The following AGBL4 variants were observed in gnomAD, a reference collection of about 807,000 sequenced individuals.
AGBL4 encodes the protein AGBL carboxypeptidase 4.
A neutral mutation model predicts 66.4 loss-of-function variants in AGBL4; 58 were observed. That is an observed-to-expected ratio of 0.87 (90% CI 0.71 to 1.09). The LOEUF (loss-of-function observed/expected upper bound fraction) is 1.09. Among genes scored for constraint, AGBL4 ranks in the 50% least tolerant of loss-of-function variants. The pLI is 0.00. For synonymous variants in AGBL4, 234 were observed against 222.9 expected, an observed-to-expected ratio of 1.05 and a Z score of -0.44; for missense variants, 579 against 631.0, an observed-to-expected ratio of 0.92 and a Z score of 0.88.
chr1:49,488,321 A>G (rs931997341), intron 3 of AGBL4, among the ~76,000 whole-genome samples: 1 of 151,390 alleles, frequency 6.6e-6, no homozygotes, highest in Admixed American at 6.6e-5. Context: ...TGACTTTTGT[A>G]TATTAATCTA....
chr1:49,815,499 G>T (rs1259563269), intron 2 of AGBL4, among the ~76,000 whole-genome samples: 4 of 152,090 alleles, frequency 2.6e-5, no homozygotes, highest in Non-Finnish European at 5.9e-5. Context: ...ATATATTTTT[G>T]ATATACTGAT....
intron 3 of AGBL4, among the ~76,000 whole-genome samples, chr1:49,668,950 G>C (rs1558148681): frequency 6.6e-6 from 1 of 152,090 alleles, no homozygotes; most frequent in African/African-American, 2.4e-5. Context: ...TTTTATCAGA[G>C]AGGGCCAGGC....
chr1:49,981,580 A>G (rs1487283615), intron 1 of AGBL4, among the ~76,000 whole-genome samples: 1 of 152,058 alleles, frequency 6.6e-6, no homozygotes, highest in Non-Finnish European at 1.5e-5. Context: ...ACACATCTAT[A>G]TATAAATATG....
chr1:48,897,720 A>G (rs998099720), intron 5 of AGBL4, among the ~76,000 whole-genome samples: 3 of 150,390 alleles, frequency 2.0e-5, no homozygotes, highest in African/African-American at 7.4e-5. Context: ...TTCTCTAATG[A>G]TTAGTAATGT....
chr1:49,812,025 G>T (rs556482085), intron 2 of AGBL4, among the ~76,000 whole-genome samples: 1 of 152,200 alleles, frequency 6.6e-6, no homozygotes, highest in South Asian at 2.1e-4. Flanking sequence ...TTTGTTTTCT[G>T]TTGTGGTTGT....
chr1:49,878,645 G>T (rs969596524), intron 1 of AGBL4, among the ~76,000 whole-genome samples: 3 of 151,880 alleles, frequency 2.0e-5, no homozygotes, highest in Admixed American at 6.6e-5. Context: ...TGTTGATTTG[G>T]GGTGGAGAGT....
At chr1:49,574,524 C>T (rs1644397131) in intron 3 of AGBL4, among the ~76,000 whole-genome samples, 1 of 152,086 alleles carries the variant, frequency 6.6e-6, no homozygotes, top group South Asian at 2.1e-4. Context: ...CTGAGAGGAT[C>T]CAGACAATAT....
intron 1 of AGBL4, among the ~76,000 whole-genome samples, chr1:49,930,076 CA>C (rs1653180600): frequency 6.6e-6 from 1 of 151,346 alleles, no homozygotes; most frequent in South Asian, 2.1e-4. Flanking sequence ...ACATGGTGAT[CA>C]ATAATAAAAA....
At chr1:48,558,149 G>A (rs1352884271) in intron 11 of AGBL4, among the ~76,000 whole-genome samples, 1 of 152,162 alleles carries the variant, frequency 6.6e-6, no homozygotes, top group Non-Finnish European at 1.5e-5. Context: ...GCACCCGTAT[G>A]GAGTTTAACA....
chr1:49,574,941 C>T (rs1303897633), intron 3 of AGBL4, among the ~76,000 whole-genome samples: 3 of 152,018 alleles, frequency 2.0e-5, no homozygotes, highest in African/African-American at 7.2e-5. Flanking sequence ...AGAATCATGG[C>T]CCCTCAATCA....
At chr1:49,631,525 C>T (rs1333592919) in intron 3 of AGBL4, among the ~76,000 whole-genome samples, 1 of 152,182 alleles carries the variant, frequency 6.6e-6, no homozygotes, top group Non-Finnish European at 1.5e-5. Flanking sequence ...TCCACTTGCA[C>T]ATTTTCTCAG....
chr1:49,006,383 C>G (rs1034671109), intron 5 of AGBL4, among the ~76,000 whole-genome samples: 3 of 152,118 alleles, frequency 2.0e-5, no homozygotes, highest in South Asian at 2.1e-4. Context: ...CCTACGCCCA[C>G]GGAGTCTTGC....
At chr1:49,937,246 C>T (rs1441144733) in intron 1 of AGBL4, among the ~76,000 whole-genome samples, 1 of 152,020 alleles carries the variant, frequency 6.6e-6, no homozygotes, top group Non-Finnish European at 1.5e-5. Flanking sequence ...ACAAAAAAGG[C>T]CATTACATAA....
intron 3 of AGBL4, among the ~76,000 whole-genome samples, chr1:49,461,805 T>A (rs1646518897): frequency 6.6e-6 from 1 of 151,766 alleles, no homozygotes. Context: ...AAACTCATCC[T>A]CTTTTATGGC....
chr1:49,582,228 G>A lies in AGBL4; in HGVS notation c.282+115085C>T, dbSNP rs537303104. ...CTGTGCTTGGGCCTCCTGATGGCAA[G>A]TGCATGCATCAGCCATGACAGTTAT... On this transcript the variant is annotated intron_variant, in intron 3 of 13. Coordinates refer to ENST00000371839, the MANE Select transcript of AGBL4 (RefSeq NM_032785.4). Among the ~76,000 whole-genome samples, 3 of 152,326 alleles carry A rather than the reference G, an allele frequency of 2.0e-5. No individual in the cohort carries two copies. In the South Asian group the frequency reaches 6.2e-4, roughly 32 times the overall value.
chr1:48,900,955 T>G (rs187032660), intron 5 of AGBL4, among the ~76,000 whole-genome samples: 2 of 152,264 alleles, frequency 1.3e-5, no homozygotes, highest in Non-Finnish European at 2.9e-5. Flanking sequence ...AGAAAATATT[T>G]GCAAATAATA....
At chr1:49,858,765 C>T (rs1646494179) in intron 1 of AGBL4, among the ~76,000 whole-genome samples, 1 of 152,242 alleles carries the variant, frequency 6.6e-6, no homozygotes, top group Admixed American at 6.5e-5. Flanking sequence ...ACCTGTAATC[C>T]CAGCACTTTG....
chr1:49,624,262 C>T (rs1645425047), intron 3 of AGBL4, among the ~76,000 whole-genome samples: 1 of 152,040 alleles, frequency 6.6e-6, no homozygotes, highest in Admixed American at 6.6e-5. Flanking sequence ...AATTAAAACC[C>T]TTCAAAGCAT....
At chr1:48,801,266 G>A (rs954224881) in intron 6 of AGBL4, among the ~76,000 whole-genome samples, 1 of 152,206 alleles carries the variant, frequency 6.6e-6, no homozygotes, top group Non-Finnish European at 1.5e-5. Flanking sequence ...AAGCAAGTGT[G>A]GCTTTCTGGC....
Sources: allele counts gnomAD v4.1 joint callset (sites outside exome capture counted in the v4.1 genomes callset), GRCh38; gene constraint gnomAD v4.1.1; transcripts MANE v1.5; gene names NCBI Gene and HGNC (gene_info 2026-07-23, HGNC 2026-07-21).